Variants in CACNA1D observed in about 807,000 individuals in gnomAD.
The protein encoded by CACNA1D is voltage-dependent L-type calcium channel subunit alpha-1D.
Under a neutral mutation model 257.1 loss-of-function variants are expected in CACNA1D, and 55 were observed. That is an observed-to-expected ratio of 0.21 (90% confidence interval 0.17 to 0.27). The LOEUF (loss-of-function observed/expected upper bound fraction) is 0.27. CACNA1D is among the 10% of genes least tolerant of loss of function. The pLI is 1.00. For missense variants in CACNA1D, 1,876 were observed against 2,784.0 expected, an observed-to-expected ratio of 0.67 and a Z score of 7.34; for synonymous variants, 980 against 1,014.9, an observed-to-expected ratio of 0.97 and a Z score of 0.65.
chr3:53,631,151 A>C (rs2093818850), intron 3 of CACNA1D, among the ~76,000 whole-genome samples: 1 of 152,186 alleles, frequency 6.6e-6, no homozygotes, highest in Non-Finnish European at 1.5e-5. Flanking sequence ...TCTTCCTTTC[A>C]TGAAAGATTT....
chr3:53,499,582 C>T (rs183612266), intron 2 of CACNA1D, among the ~76,000 whole-genome samples: 59 of 152,080 alleles, frequency 3.9e-4, no homozygotes, highest in Admixed American at 2.0e-3. Flanking sequence ...AATCTTATGG[C>T]AGTGAGATGG....
chr3:53,777,246 G>C (rs1299525054), intron 37 of CACNA1D, among the ~76,000 whole-genome samples: 2 of 152,198 alleles, frequency 1.3e-5, no homozygotes, highest in Admixed American at 6.5e-5. Flanking sequence ...CAGAGGCAGG[G>C]AGGGCTCAGA....
At chr3:53,701,136 G>GTTA (rs200118929) in intron 8 of CACNA1D, among the ~76,000 whole-genome samples, 2,282 of 149,126 alleles carry the variant, frequency 0.015, 52 homozygotes, top group African/African-American at 0.05. Flanking sequence ...TGTTGTTGTT[G>GTTA]TTATTATTAT....
intron 3 of CACNA1D, among the ~76,000 whole-genome samples, chr3:53,617,361 G>T (rs779015109): frequency 1.8e-4 from 28 of 152,162 alleles, no homozygotes; most frequent in Non-Finnish European, 4.0e-4. Flanking sequence ...AAGAGCACAG[G>T]TCTTGGAGTG....
intron 3 of CACNA1D, among the ~76,000 whole-genome samples, chr3:53,601,025 G>T (rs1265281657): frequency 6.6e-6 from 1 of 152,180 alleles, no homozygotes; most frequent in Non-Finnish European, 1.5e-5. Flanking sequence ...TAAGTTTGGT[G>T]TTAGGAGAGA....
At chr3:53,657,234 C>T (rs754051811) in intron 4 of CACNA1D, among the ~76,000 whole-genome samples, 14 of 151,750 alleles carry the variant, frequency 9.2e-5, no homozygotes, top group Middle Eastern at 3.2e-3. Flanking sequence ...GATAAAACAA[C>T]GTGGATGAGT....
At chr3:53,674,156 G>C in intron 8 of CACNA1D, 1 of 432,202 alleles carries the variant, frequency 2.3e-6, no homozygotes, top group Non-Finnish European at 4.3e-6. Context: ...GTCATTTTGT[G>C]TCTATTAGTA....
At chr3:53,641,374 C>G (rs1413474779) in intron 3 of CACNA1D, among the ~76,000 whole-genome samples, 3 of 152,150 alleles carry the variant, frequency 2.0e-5, no homozygotes, top group South Asian at 2.1e-4. Flanking sequence ...GGATTCTTGT[C>G]TGCTGTCCTG....
chr3:53,749,456 T>C lies in CACNA1D; in HGVS notation c.3503T>C (p.Leu1168Pro). The C allele has an allele frequency of 6.2e-7, 1 of 1,612,990 alleles. No homozygotes were observed. Among genetic ancestry groups the C allele is most frequent in the Non-Finnish European group, 8.5e-7 (1 of 1,178,930 alleles). The part of the protein sequence containing the change: ...QGEKEYKNCE[L>P]DKNQRQCVEY... ...GAAAAAGAGTATAAGAACTGTGAGC[T>C]GGACAAAAATCAGGTTAAAGTCACA... Residue 1168 changes from leucine to proline, a missense_variant, in exon 27 of 48, where the codon CTG becomes CCG. This residue lies in a region of CACNA1D where 204 missense variants were observed against 309.4 expected (regional missense o/e 0.66). Transcript: ENST00000350061.
At chr3:53,644,221 A>G (rs1165178479) in intron 3 of CACNA1D, among the ~76,000 whole-genome samples, 3 of 152,228 alleles carry the variant, frequency 2.0e-5, no homozygotes, top group Non-Finnish European at 4.4e-5. Context: ...CTACATAATT[A>G]GGGTGTACAA....
intron 3 of CACNA1D, among the ~76,000 whole-genome samples, chr3:53,593,208 G>T (rs980073949): frequency 6.6e-6 from 1 of 152,142 alleles, no homozygotes; most frequent in Non-Finnish European, 1.5e-5. Flanking sequence ...CTACCTATAG[G>T]TAGATAAGGG....
chr3:53,760,590 C>T (rs1167842237), intron 29 of CACNA1D, among the ~76,000 whole-genome samples: 1 of 152,174 alleles, frequency 6.6e-6, no homozygotes, highest in Non-Finnish European at 1.5e-5. Context: ...TGCAGTATCT[C>T]CCCACCACCC....
intron 3 of CACNA1D, among the ~76,000 whole-genome samples, chr3:53,527,138 A>G (rs1472281247): frequency 6.6e-6 from 1 of 152,254 alleles, no homozygotes; most frequent in Non-Finnish European, 1.5e-5. Flanking sequence ...CAAAGCAGGT[A>G]TCACAATTCC....
At chr3:53,766,805 G>A (rs1433936657) in intron 30 of CACNA1D, among the ~76,000 whole-genome samples, 2 of 152,214 alleles carry the variant, frequency 1.3e-5, no homozygotes, top group African/African-American at 4.8e-5. Context: ...GAACTGCCAA[G>A]TTTGTCTTGT....
At chr3:53,587,248 G>A (rs370304489) in intron 3 of CACNA1D, among the ~76,000 whole-genome samples, 5 of 152,246 alleles carry the variant, frequency 3.3e-5, no homozygotes, top group African/African-American at 4.8e-5. Flanking sequence ...GGAAATGTTC[G>A]TGCTGTAGAC....
chr3:53,630,635 G>A (rs1046283648), intron 3 of CACNA1D, among the ~76,000 whole-genome samples: 1 of 152,188 alleles, frequency 6.6e-6, no homozygotes, highest in Non-Finnish European at 1.5e-5. Context: ...TATGGCTTGG[G>A]CGTTAGTCAT....
chr3:53,587,767 T>C (rs2093243100), intron 3 of CACNA1D, among the ~76,000 whole-genome samples: 2 of 152,174 alleles, frequency 1.3e-5, no homozygotes, highest in South Asian at 4.1e-4. Flanking sequence ...TTGGAGTTGG[T>C]TTAACAAAGG....
chr3:53,769,948 A>G (rs779286850), intron 30 of CACNA1D, 25 bp from the exon 31 acceptor site: 2 of 1,588,644 alleles, frequency 1.3e-6, no homozygotes, highest in South Asian at 1.1e-5. Context: ...TCATTAATCC[A>G]TTTTCAATCT....
At chr3:53,771,424 G>A (rs1424563930) in intron 32 of CACNA1D, among the ~76,000 whole-genome samples, 2 of 152,212 alleles carry the variant, frequency 1.3e-5, no homozygotes, top group African/African-American at 4.8e-5. Context: ...GGTAACCAGT[G>A]TTACCCTCCC....
Sources: allele counts gnomAD v4.1 joint callset (sites outside exome capture counted in the v4.1 genomes callset), GRCh38; gene constraint gnomAD v4.1.1; regional missense constraint gnomAD v4.1.1; transcripts MANE v1.5; gene names NCBI Gene and HGNC (gene_info 2026-07-23, HGNC 2026-07-21).